Variants in CSMD1 observed in about 807,000 individuals in gnomAD.
CSMD1 encodes the protein CUB and sushi domain-containing protein 1.
In CSMD1, 213 loss-of-function variants were observed where a neutral mutation model predicts 417.5. The observed-to-expected ratio is 0.51, with a 90% CI of 0.46 to 0.57. The LOEUF (loss-of-function observed/expected upper bound fraction) is 0.57. CSMD1 is among the 20% of genes least tolerant of loss of function. CSMD1 has a pLI of 0.00. For missense variants in CSMD1, 6,923 were observed against 4,529.7 expected, an observed-to-expected ratio of 1.53 and a Z score of -15.17; for synonymous variants, 2,862 against 1,736.8, an observed-to-expected ratio of 1.65 and a Z score of -16.11.
chr8:3,714,617 G>T (rs1053166453), intron 6 of CSMD1, among the ~76,000 whole-genome samples: 7 of 149,532 alleles, frequency 4.7e-5, no homozygotes, highest in Non-Finnish European at 1.0e-4. Context: ...GGCGACTGTA[G>T]TCCCAGCTAG....
At chr8:4,323,328 C>G (rs1011984922) in intron 3 of CSMD1, among the ~76,000 whole-genome samples, 3 of 152,124 alleles carry the variant, frequency 2.0e-5, no homozygotes, top group Admixed American at 6.5e-5. Context: ...ACTTCAACCC[C>G]TAAAATTCAT....
intron 3 of CSMD1, among the ~76,000 whole-genome samples, chr8:4,155,614 G>T (rs1228319331): frequency 6.6e-6 from 1 of 152,118 alleles, no homozygotes; most frequent in African/African-American, 2.4e-5. Flanking sequence ...GACAAGGTTT[G>T]ATTTTTTATC....
intron 18 of CSMD1, among the ~76,000 whole-genome samples, chr8:3,376,144 T>C (rs1022511653): frequency 4.6e-5 from 7 of 152,150 alleles, no homozygotes; most frequent in Non-Finnish European, 5.9e-5. Context: ...TCTCAATAAA[T>C]GCTTGTGGAG....
intron 3 of CSMD1, among the ~76,000 whole-genome samples, chr8:4,235,095 G>C (rs117438328): frequency 6.6e-6 from 1 of 152,082 alleles, no homozygotes; most frequent in African/African-American, 2.4e-5. Flanking sequence ...GGGACTTCAA[G>C]AATAGAAAAA....
chr8:3,940,068 A>G (rs1235487580), intron 5 of CSMD1, among the ~76,000 whole-genome samples: 1 of 151,662 alleles, frequency 6.6e-6, no homozygotes, highest in African/African-American at 2.4e-5. Context: ...ATTTACATAT[A>G]AAATATAAAA....
chr8:4,584,869 G>C lies in CSMD1; in HGVS notation c.302+52473C>G, dbSNP rs1054439809. Among the ~76,000 whole-genome samples the C allele has an allele frequency of 1.3e-5, 2 of 151,996 alleles. 1 individual carries two copies. The highest frequency in any genetic ancestry group is 1.3e-4 in the Admixed American group (2 of 15,254). ...AGAAAACCAGCTTTTATTTAGATTG[G>C]ATCAACTGTGGATTGCATTGGATTG... On this transcript the variant is annotated intron_variant, in intron 2 of 69. Transcript: ENST00000635120.
intron 3 of CSMD1, among the ~76,000 whole-genome samples, chr8:4,289,638 A>G (rs1458188218): frequency 1.3e-5 from 2 of 152,180 alleles, no homozygotes; most frequent in African/African-American, 2.4e-5. Context: ...TGGACGGAGT[A>G]GAGCAGCTGT....
chr8:4,967,573 T>A (rs1405536003), intron 1 of CSMD1, among the ~76,000 whole-genome samples: 1 of 152,180 alleles, frequency 6.6e-6, no homozygotes, highest in Non-Finnish European at 1.5e-5. Context: ...AAATTCTTAT[T>A]AACTATTTTT....
intron 12 of CSMD1, among the ~76,000 whole-genome samples, chr8:3,464,977 T>G (rs13270935): frequency 0.082 from 12,499 of 152,256 alleles, 582 homozygotes; most frequent in East Asian, 0.18. Flanking sequence ...TCTCTCTCTC[T>G]CGTTCTGTGT....
rs923326252 is a variant in CSMD1, at chr8:3,965,474, C to T, written c.818+32429G>A. On this transcript the variant is annotated intron_variant, in intron 5 of 69. Transcript: ENST00000635120. ...GCGTAGAATTCTCTGTTTGAGTAGACGATATCACAAAACCAAAGTAAAGTT... is the reference window on the plus strand; with the variant it reads ...GCGTAGAATTCTCTGTTTGAGTAGATGATATCACAAAACCAAAGTAAAGTT... 3.9e-5 allele frequency among the ~76,000 whole-genome samples: 6 copies of T among 152,036 alleles called. No homozygotes were observed. The East Asian group carries it at 5.8e-4, about 15-fold the overall frequency.
intron 3 of CSMD1, among the ~76,000 whole-genome samples, chr8:4,246,968 G>T (rs146477027): frequency 1.4e-4 from 22 of 152,288 alleles, no homozygotes; most frequent in Admixed American, 1.4e-3. Context: ...AAACACTTTA[G>T]ACGAAGTAGA....
At chr8:3,332,058 A>G (rs1207276533) in intron 23 of CSMD1, among the ~76,000 whole-genome samples, 1 of 152,266 alleles carries the variant, frequency 6.6e-6, no homozygotes, top group Admixed American at 6.5e-5. Flanking sequence ...ATAGATTATC[A>G]ATCAATAGAT....
At chr8:3,875,198 A>G (rs1805735557) in intron 5 of CSMD1, among the ~76,000 whole-genome samples, 1 of 152,162 alleles carries the variant, frequency 6.6e-6, no homozygotes, top group Non-Finnish European at 1.5e-5. Context: ...GGAGTGGAAC[A>G]GTGAGGCCAT....
At chr8:3,370,838 T>C (rs1042112696) in intron 18 of CSMD1, among the ~76,000 whole-genome samples, 1 of 152,104 alleles carries the variant, frequency 6.6e-6, no homozygotes, top group South Asian at 2.1e-4. Flanking sequence ...TAGCCAGGCA[T>C]AGTGGCAGAA....
intron 2 of CSMD1, among the ~76,000 whole-genome samples, chr8:4,586,236 C>T (rs1050463828): frequency 6.6e-6 from 1 of 152,210 alleles, no homozygotes; most frequent in Non-Finnish European, 1.5e-5. Flanking sequence ...CCCTATTACA[C>T]TTCCAAGTAC....
At chr8:4,202,055 TG>T (rs1206611612) in intron 3 of CSMD1, among the ~76,000 whole-genome samples, 5 of 152,086 alleles carry the variant, frequency 3.3e-5, no homozygotes, top group African/African-American at 1.2e-4. Flanking sequence ...TGCTGTGGGT[TG>T]GCTCTTAATG....
At chr8:3,244,381 C>A (rs1799743218) in intron 26 of CSMD1, among the ~76,000 whole-genome samples, 1 of 152,124 alleles carries the variant, frequency 6.6e-6, no homozygotes, top group Non-Finnish European at 1.5e-5. Flanking sequence ...CGTGTCCTCC[C>A]CCATTACCCT....
chr8:3,064,583 T>C (rs944929131), intron 49 of CSMD1, among the ~76,000 whole-genome samples: 4 of 152,120 alleles, frequency 2.6e-5, no homozygotes, highest in Admixed American at 6.6e-5. Flanking sequence ...TTAATAAGAA[T>C]AGTAAACACA....
chr8:4,382,323 A>C (rs1803155036), intron 3 of CSMD1, among the ~76,000 whole-genome samples: 1 of 152,226 alleles, frequency 6.6e-6, no homozygotes, highest in Admixed American at 6.5e-5. Context: ...TTATATGTGC[A>C]CTTTCTCACC....
Sources: gnomAD v4.1 joint callset for allele counts (sites outside exome capture counted in the v4.1 genomes callset) on GRCh38, gnomAD v4.1.1 for gene constraint, MANE v1.5 for transcripts, NCBI Gene and HGNC (gene_info 2026-07-23, HGNC 2026-07-21) for gene names.